Variants in BCL2 observed in about 807,000 individuals in gnomAD.
BCL2 encodes BCL2 apoptosis regulator.
BCL2 carries 1 observed loss-of-function variant against 14.2 expected under a neutral mutation model. That is an observed-to-expected ratio of 0.07 (90% CI 0.02 to 0.33). The LOEUF (loss-of-function observed/expected upper bound fraction) is 0.33, where lower values mean the gene tolerates loss of function less well. Among genes scored for constraint, BCL2 ranks in the 10% least tolerant of loss-of-function variants. The probability of loss-of-function intolerance (pLI) is 0.99; values close to 1 mark genes in which losing one functional copy is unlikely to be tolerated. For missense variants in BCL2, 247 were observed against 305.9 expected, an observed-to-expected ratio of 0.81 and a Z score of 1.44; for synonymous variants, 151 against 137.2, an observed-to-expected ratio of 1.10 and a Z score of -0.70.
At chr18:63,154,369 T>C (rs980049191) in intron 2 of BCL2, among the ~76,000 whole-genome samples, 1 of 152,184 alleles carries the variant, frequency 6.6e-6, no homozygotes, top group African/African-American at 2.4e-5. Context: ...AGCTTCCCTC[T>C]GGAGTATTCC....
intron 2 of BCL2, among the ~76,000 whole-genome samples, chr18:63,136,909 G>A (rs973558115): frequency 6.6e-6 from 1 of 152,210 alleles, no homozygotes; most frequent in Admixed American, 6.5e-5. Flanking sequence ...GTAAAGGCCA[G>A]GGGACAGGAC....
intron 2 of BCL2, among the ~76,000 whole-genome samples, chr18:63,305,213 T>C (rs11152377): frequency 0.31 from 47,520 of 152,208 alleles, 9,304 homozygotes; most frequent in Non-Finnish European, 0.43. Flanking sequence ...TGCATTCCAA[T>C]TTCCCTGAAC....
intron 2 of BCL2, among the ~76,000 whole-genome samples, chr18:63,146,687 C>A (rs1044947878): frequency 1.3e-5 from 2 of 152,126 alleles, no homozygotes; most frequent in Non-Finnish European, 2.9e-5. Flanking sequence ...ATGTGCTTTT[C>A]ATTTCCGTTT....
rs1371405116 is a variant in BCL2, at chr18:63,169,328, CTTTCCT to C, written c.586-40575_586-40570del. Among the ~76,000 whole-genome samples, 273 of 27,572 alleles carry C rather than the reference CTTTCCT, an allele frequency of 9.9e-3. 9 individuals are homozygous for C. Among genetic ancestry groups the C allele is most frequent in the African/African-American group, 0.063 (256 of 4,064 alleles). 18.1% of individuals were successfully genotyped at this position (27,572 alleles called of 152,430 possible). A position where few individuals can be genotyped will look rare whatever the true frequency, so the allele number is the denominator to read the frequency against. ...TCTTTCTTCCTTCCTTCCTTCTTTCCTTTCCTTCCTTTCTTTCTTTCTTTCTTTCTT... is the reference window on the plus strand; with the variant it reads ...TCTTTCTTCCTTCCTTCCTTCTTTCCTCCTTTCTTTCTTTCTTTCTTTCTT... On this transcript the variant is annotated intron_variant, in intron 2 of 2. Coordinates refer to ENST00000333681, the MANE Select transcript of BCL2 (RefSeq NM_000633.3).
Position 63,262,695 on chromosome 18 carries a change from C to T in BCL2, c.585+55387G>A, listed in dbSNP as rs183629866. ...AGAGGGATTCAACAGGAAAGTCCCA[C>T]GGGGTAAGCAAATACCACCACTACC... On this transcript the variant is annotated intron_variant, in intron 2 of 2. Coordinates refer to ENST00000333681, the MANE Select transcript of BCL2 (RefSeq NM_000633.3). Among the ~76,000 whole-genome samples, 58 of 152,216 alleles carry T rather than the reference C, an allele frequency of 3.8e-4. No homozygotes were observed. The East Asian group carries it at 8.7e-3, about 23-fold the overall frequency.
chr18:63,175,017 A>G (rs1219666211), intron 2 of BCL2, among the ~76,000 whole-genome samples: 5 of 152,132 alleles, frequency 3.3e-5, no homozygotes, highest in African/African-American at 9.7e-5. Flanking sequence ...CTGTCTTGAC[A>G]TTGTTTGAAG....
intron 2 of BCL2, among the ~76,000 whole-genome samples, chr18:63,306,613 C>T (rs1405979590): frequency 6.6e-6 from 1 of 152,214 alleles, no homozygotes; most frequent in African/African-American, 2.4e-5. Flanking sequence ...ACATTGATTC[C>T]TGCTCATCCT....
rs939095567 is a variant in BCL2 at position 63,270,658 on chromosome 18, G to A, written c.585+47424C>T. 2.6e-5 allele frequency among the ~76,000 whole-genome samples: 4 copies of A among 152,244 alleles called. No individual in the cohort carries two copies. In the East Asian group the frequency reaches 5.8e-4, roughly 22 times the overall value. On this transcript the variant is annotated intron_variant, in intron 2 of 2. Coordinates refer to ENST00000333681, the MANE Select transcript of BCL2 (RefSeq NM_000633.3). ...GAATAGAAGTCTGGGGACAATAGGAGGAGGAGGAAAGAAATCACTGCATAC... is the reference window on the plus strand; with the variant it reads ...GAATAGAAGTCTGGGGACAATAGGAAGAGGAGGAAAGAAATCACTGCATAC...
intron 2 of BCL2, among the ~76,000 whole-genome samples, chr18:63,260,720 C>T (rs1409777763): frequency 6.7e-6 from 1 of 149,820 alleles, no homozygotes; most frequent in African/African-American, 2.4e-5. Context: ...AAAAAAGTGG[C>T]CCATGTCTTC....
intron 2 of BCL2, among the ~76,000 whole-genome samples, chr18:63,250,143 C>A (rs1461348433): frequency 6.6e-6 from 1 of 152,122 alleles, no homozygotes; most frequent in Admixed American, 6.5e-5. Context: ...ACAAGGAGGC[C>A]CTCAATAAAA....
At chr18:63,261,691 A>C (rs1300263675) in intron 2 of BCL2, among the ~76,000 whole-genome samples, 3 of 152,232 alleles carry the variant, frequency 2.0e-5, no homozygotes. Context: ...CTGAAAAATA[A>C]AATGTCCTAT....
intron 2 of BCL2, chr18:63,316,475 A>G (rs1226484041): frequency 6.6e-6 from 1 of 152,262 alleles, no homozygotes; most frequent in Non-Finnish European, 1.5e-5. Flanking sequence ...TTAACCAAAT[A>G]TTTAACAAAA....
At chr18:63,196,332 C>A (rs563254082) in intron 2 of BCL2, among the ~76,000 whole-genome samples, 5 of 152,260 alleles carry the variant, frequency 3.3e-5, no homozygotes, top group African/African-American at 9.6e-5. Flanking sequence ...TTAAAAGGTT[C>A]ATTTATGGAA....
At chr18:63,198,816 CAG>C (rs1909567161) in intron 2 of BCL2, among the ~76,000 whole-genome samples, 3 of 19,074 alleles carry the variant, frequency 1.6e-4, no homozygotes, top group Non-Finnish European at 3.5e-4. Flanking sequence ...CAGAGACACA[CAG>C]ACACACAGAC....
chr18:63,171,791 A>G (rs369003365), intron 2 of BCL2, among the ~76,000 whole-genome samples: 3 of 152,362 alleles, frequency 2.0e-5, no homozygotes, highest in Middle Eastern at 3.4e-3. Context: ...CCTAGGTGAC[A>G]GAGCAAGACC....
intron 2 of BCL2, among the ~76,000 whole-genome samples, chr18:63,169,292 CTTT>C (rs1568222379): frequency 2.9e-5 from 2 of 69,776 alleles, no homozygotes; most frequent in African/African-American, 1.0e-4. Flanking sequence ...TTCTTTCTTT[CTTT>C]CTTTCTTTCT....
chr18:63,136,445 C>T (rs1914207624), intron 2 of BCL2, among the ~76,000 whole-genome samples: 1 of 152,178 alleles, frequency 6.6e-6, no homozygotes, highest in African/African-American at 2.4e-5. Flanking sequence ...CTTCCTCATG[C>T]CCCATATTCA....
intron 2 of BCL2, among the ~76,000 whole-genome samples, chr18:63,245,498 A>G (rs550101977): frequency 5.2e-4 from 79 of 152,340 alleles, no homozygotes; most frequent in Non-Finnish European, 9.1e-4. Flanking sequence ...GCCATTTCTC[A>G]TACATAAAAG....
intron 2 of BCL2, among the ~76,000 whole-genome samples, chr18:63,211,063 C>CTTTTTTTTTTTTTT (rs59302545): frequency 3.4e-5 from 2 of 59,142 alleles, no homozygotes; most frequent in African/African-American, 7.0e-5. Context: ...CTTTTCATTT[C>CTTTTTTTTTTTTTT]TTTTTTTTTT....
Sources: allele counts gnomAD v4.1 joint callset (sites outside exome capture counted in the v4.1 genomes callset), GRCh38; gene constraint gnomAD v4.1.1; transcripts MANE v1.5; gene names NCBI Gene and HGNC (gene_info 2026-07-23, HGNC 2026-07-21).